NRG1: variants seen among roughly 807,000 people sequenced by gnomAD.
NRG1 encodes pro-neuregulin-1, membrane-bound isoform.
NRG1 carries 18 observed loss-of-function variants against 63.8 expected under a neutral mutation model. That is an observed-to-expected ratio of 0.28 (90% CI 0.19 to 0.42). The LOEUF (loss-of-function observed/expected upper bound fraction) is 0.42, where lower values mean the gene tolerates loss of function less well. NRG1 is among the 10% of genes least tolerant of loss of function. The pLI is 1.00. For synonymous variants in NRG1, 302 were observed against 301.3 expected (o/e 1.00, Z -0.02); for missense variants, 762 against 814.7 (o/e 0.94, Z 0.79).
chr8:31,721,486 C>T (rs1812910333), intron 1 of NRG1, among the ~76,000 whole-genome samples: 1 of 152,144 alleles, frequency 6.6e-6, no homozygotes, highest in Non-Finnish European at 1.5e-5. Flanking sequence ...TACCTTTGGT[C>T]TGTCTTATCC....
intron 1 of NRG1, among the ~76,000 whole-genome samples, chr8:32,312,340 T>TTC (rs1446202180): frequency 2.8e-5 from 4 of 141,674 alleles, no homozygotes; most frequent in Non-Finnish European, 4.6e-5. Context: ...ATTTTTTTTT[T>TTC]TTTTTTTTTT....
At chr8:31,694,207 T>G (rs1809821099) in intron 1 of NRG1, among the ~76,000 whole-genome samples, 1 of 152,150 alleles carries the variant, frequency 6.6e-6, no homozygotes, top group South Asian at 2.1e-4. Context: ...TGTACCATAG[T>G]GATACCTTAT....
intron 1 of NRG1, among the ~76,000 whole-genome samples, chr8:32,468,416 A>G (rs554492335): frequency 1.3e-5 from 2 of 152,162 alleles, no homozygotes; most frequent in Non-Finnish European, 2.9e-5. Flanking sequence ...GGCCCTATAA[A>G]TAGTTACTTC....
chr8:32,759,239 C>T, intron 9 of NRG1, 67 bp from the exon 10 acceptor site: 2 of 1,526,294 alleles, frequency 1.3e-6, no homozygotes, highest in Non-Finnish European at 1.8e-6. Flanking sequence ...ATTTACATGA[C>T]AATATTAGTG....
At chr8:31,723,993 G>C (rs1563330487) in intron 1 of NRG1, among the ~76,000 whole-genome samples, 1 of 152,068 alleles carries the variant, frequency 6.6e-6, no homozygotes, top group Non-Finnish European at 1.5e-5. Context: ...ATTTTAGTCA[G>C]TATTTGCTTG....
chr8:32,161,976 G>A (rs953137278), intron 1 of NRG1, among the ~76,000 whole-genome samples: 1 of 152,166 alleles, frequency 6.6e-6, no homozygotes, highest in African/African-American at 2.4e-5. Context: ...TAGTGCTCAG[G>A]AAGAGGAAAT....
chr8:31,971,138 T>C (rs986290033), intron 1 of NRG1, among the ~76,000 whole-genome samples: 8 of 152,166 alleles, frequency 5.3e-5, no homozygotes, highest in Middle Eastern at 3.2e-3. Context: ...TGAACTGTAG[T>C]GTCCTTATTG....
chr8:32,338,027 T>G (rs1386438), intron 1 of NRG1, among the ~76,000 whole-genome samples: 80,212 of 151,984 alleles, frequency 0.53, 21,900 homozygotes, highest in Non-Finnish European at 0.61. Flanking sequence ...GAATACACAG[T>G]GCCTGAAATG....
At chr8:32,024,958 G>A (rs555873024) in intron 1 of NRG1, among the ~76,000 whole-genome samples, 25 of 152,178 alleles carry the variant, frequency 1.6e-4, no homozygotes, top group Admixed American at 7.9e-4. Context: ...CTATGTCTAC[G>A]TATATATTAA....
At chr8:32,269,921 C>T (rs532080390) in intron 1 of NRG1, among the ~76,000 whole-genome samples, 41 of 152,180 alleles carry the variant, frequency 2.7e-4, no homozygotes, top group African/African-American at 8.9e-4. Flanking sequence ...TTCAGTAACA[C>T]GAGAACCAAT....
At chr8:32,373,802 T>C (rs1377791493) in intron 1 of NRG1, among the ~76,000 whole-genome samples, 5 of 152,002 alleles carry the variant, frequency 3.3e-5, no homozygotes, top group African/African-American at 4.8e-5. Flanking sequence ...AATCAATATA[T>C]GGTAATCTAA....
intron 1 of NRG1, among the ~76,000 whole-genome samples, chr8:31,955,658 C>G (rs913464771): frequency 5.3e-5 from 8 of 152,132 alleles, no homozygotes; most frequent in Admixed American, 5.2e-4. Context: ...AGGTAAATGA[C>G]TTTCCCATTG....
intron 1 of NRG1, among the ~76,000 whole-genome samples, chr8:32,006,225 G>A (rs556321377): frequency 9.3e-4 from 141 of 152,102 alleles, no homozygotes; most frequent in Non-Finnish European, 1.7e-3. Context: ...ATGATTTGTA[G>A]ATGTAAACAC....
At chr8:31,894,772 G>A (rs1563536589) in intron 1 of NRG1, among the ~76,000 whole-genome samples, 1 of 152,016 alleles carries the variant, frequency 6.6e-6, no homozygotes, top group East Asian at 1.9e-4. Flanking sequence ...GGATGGTCTC[G>A]ATCTCCTGAC....
At chr8:32,214,355 G>A (rs1845003760) in intron 1 of NRG1, among the ~76,000 whole-genome samples, 1 of 152,268 alleles carries the variant, frequency 6.6e-6, no homozygotes, top group South Asian at 2.1e-4. Flanking sequence ...TTGGAAACAA[G>A]AATAAGGATT....
intron 1 of NRG1, among the ~76,000 whole-genome samples, chr8:32,212,921 GA>G (rs1183983654): frequency 6.6e-6 from 1 of 152,140 alleles, no homozygotes; most frequent in Non-Finnish European, 1.5e-5. Flanking sequence ...TGAATTAGGA[GA>G]CTTCATATTC....
intron 1 of NRG1, among the ~76,000 whole-genome samples, chr8:31,877,805 T>C (rs1830044413): frequency 6.6e-6 from 1 of 152,160 alleles, no homozygotes; most frequent in Non-Finnish European, 1.5e-5. Flanking sequence ...CTGGGTGCCC[T>C]GTGATGCATG....
At chr8:32,518,703 T>C (rs969341119) in intron 1 of NRG1, among the ~76,000 whole-genome samples, 2 of 152,108 alleles carry the variant, frequency 1.3e-5, no homozygotes, top group Non-Finnish European at 2.9e-5. Flanking sequence ...TAAGATTTCA[T>C]GTGAAAACCA....
chr8:32,081,379 A>T (rs1226389380), intron 1 of NRG1, among the ~76,000 whole-genome samples: 1 of 152,128 alleles, frequency 6.6e-6, no homozygotes, highest in African/African-American at 2.4e-5. Context: ...GAGACAATTG[A>T]GGAAAAGGGA....
Sources: gnomAD v4.1 joint callset for allele counts (sites outside exome capture counted in the v4.1 genomes callset) on GRCh38, gnomAD v4.1.1 for gene constraint, MANE v1.5 for transcripts, NCBI Gene and HGNC (gene_info 2026-07-23, HGNC 2026-07-21) for gene names.